PPP4R3B: variants seen among roughly 807,000 people sequenced by gnomAD.
The protein encoded by PPP4R3B is serine/threonine-protein phosphatase 4 regulatory subunit 3B.
In PPP4R3B, 52 loss-of-function variants were observed where a neutral mutation model predicts 95.4. The ratio of observed to expected loss-of-function variants is 0.54; its 90% confidence interval spans 0.44 to 0.69. The LOEUF (loss-of-function observed/expected upper bound fraction) is 0.69. Ranked by LOEUF, PPP4R3B falls within the 30% of genes least tolerant of loss-of-function variation. The probability of loss-of-function intolerance (pLI) is 0.00; values close to 1 mark genes in which losing one functional copy is unlikely to be tolerated. For synonymous variants in PPP4R3B, 407 were observed against 343.9 expected (o/e 1.18, Z -2.03); for missense variants, 1,003 against 1,005.9 (o/e 1.00, Z 0.04).
At chr2:55,594,533 A>G (rs767961065) in intron 4 of PPP4R3B, among the ~76,000 whole-genome samples, 4 of 152,188 alleles carry the variant, frequency 2.6e-5, no homozygotes, top group Non-Finnish European at 5.9e-5. Flanking sequence ...ACAAAGTTTT[A>G]CAAATATTTA....
chr2:55,615,857 C>CAAAAAAAAAAAAAAA lies in PPP4R3B; in HGVS notation c.143-366_143-352dup, dbSNP rs58981030. ...TGGCAACAGAGCAAGACTCTGTCTC[C>CAAAAAAAAAAAAAAA]AAAAAAAAAAAAAAAAAAAAAAAAA... On this transcript the variant is annotated intron_variant, in intron 1 of 16. Transcript: ENST00000616407. 6.4e-4 allele frequency among the ~76,000 whole-genome samples: 25 copies of CAAAAAAAAAAAAAAA among 39,068 alleles called. 2 individuals are homozygous for CAAAAAAAAAAAAAAA. Among genetic ancestry groups the CAAAAAAAAAAAAAAA allele is most frequent in the African/African-American group, 4.3e-3 (24 of 5,534 alleles). The allele number at this position is 39,068 out of a possible 152,430, so 25.6% of individuals were successfully genotyped here.
At chr2:55,604,124 T>C (rs145880447) in intron 2 of PPP4R3B, 48 bp from the exon 3 acceptor site, 164 of 1,428,876 alleles carry the variant, frequency 1.1e-4, no homozygotes, top group African/African-American at 1.1e-3. Flanking sequence ...AAAAGAGGTA[T>C]CTACAAAGTA....
In PPP4R3B at chr2:55,617,246, T is replaced by G. The variant is rs1695088304; in HGVS notation, c.40A>C (p.Asn14His). 1 of 1,614,002 alleles carries G rather than the reference T, an allele frequency of 6.2e-7. No homozygotes were observed. Among genetic ancestry groups the G allele is most frequent in the Non-Finnish European group, 8.5e-7 (1 of 1,179,922 alleles). Residue 14 changes from asparagine to histidine, a missense_variant, in exon 1 of 17, where the codon AAC becomes CAC. Coordinates refer to ENST00000616407, the MANE Select transcript of PPP4R3B (RefSeq NM_001122964.3). ...CGGTCGTCCCATTGCCGGTCTTCGT[T>G]CAGGGTATAGACCTTCACTCGCCGC... ...TRRRVKVYTL[N>H]EDRQWDDRGT...
At position 55,564,334 on chromosome 2, in the gene PPP4R3B, T is replaced by C. The variant is rs1389304625; in HGVS notation, c.2239A>G (p.Lys747Glu). Residue 747 changes from lysine to glutamate, a missense_variant, in exon 15 of 17, where the codon AAG becomes GAG. Physicochemically the swap from Lys to Glu is moderately conservative, Grantham distance 56. Coordinates refer to ENST00000616407, the MANE Select transcript of PPP4R3B (RefSeq NM_001122964.3). The stretch of plus-strand genomic sequence containing the variant: ...ATACCTTTTTTAGTCTCCATAAACT[T>C]TTCATAATTATCTGGAAAATCATCT... The part of the protein sequence containing the change: ...PEDDFPDNYE[K>E]FMETKKAKES... 2.5e-6 allele frequency: 4 copies of C among 1,613,334 alleles called. No individual in the cohort carries two copies. Among genetic ancestry groups the C allele is most frequent in the African/African-American group, 2.7e-5 (2 of 74,856 alleles).
At chr2:55,586,845 T>C (rs376478794) in intron 5 of PPP4R3B, 111 bp from the exon 6 acceptor site, 56 of 575,202 alleles carry the variant, frequency 9.7e-5, no homozygotes, top group African/African-American at 8.4e-4. Flanking sequence ...CTCATCTTTT[T>C]GGAGTATGCT....
intron 16 of PPP4R3B, among the ~76,000 whole-genome samples, chr2:55,557,243 A>C (rs749957971): frequency 3.3e-5 from 5 of 152,192 alleles, no homozygotes; most frequent in Admixed American, 6.5e-5. Flanking sequence ...TTTAGGCTGG[A>C]GTGCAGTGGC....
chr2:55,591,671 G>A (rs754173159), intron 4 of PPP4R3B: 79 of 984,004 alleles, frequency 8.0e-5, no homozygotes, highest in East Asian at 3.4e-4. Flanking sequence ...TATATGATTC[G>A]GTACTTGTGA....
chr2:55,581,525 C>T (rs559749293), intron 8 of PPP4R3B, 42 bp downstream of exon 8: 1 of 1,583,866 alleles, frequency 6.3e-7, no homozygotes, highest in African/African-American at 1.4e-5. Context: ...CCACCTAAAA[C>T]TGACTAGGCC....
At chr2:55,575,411 T>C (rs72803553) in intron 11 of PPP4R3B, among the ~76,000 whole-genome samples, 5,702 of 152,300 alleles carry the variant, frequency 0.037, 146 homozygotes, top group South Asian at 0.09. Flanking sequence ...TGGACAATCA[T>C]GCACCACCCA....
chr2:55,554,242 C>T (rs931700952), intron 16 of PPP4R3B, among the ~76,000 whole-genome samples: 14 of 152,150 alleles, frequency 9.2e-5, no homozygotes, highest in Middle Eastern at 3.4e-3. Context: ...TTTTTGTAGA[C>T]GGGGTTTTGC....
Position 55,578,279 on chromosome 2 carries a change from G to C in PPP4R3B, c.1532C>G (p.Ser511Cys). The change falls in exon 10 of 17, where the codon TCC (serine) becomes TGC (cysteine). Residue 511 changes from serine to cysteine, a missense_variant. Physicochemically the swap from Ser to Cys is moderately radical, Grantham distance 112. Transcript: ENST00000616407. Reference sequence around the variant, plus strand: ...GATGGAGGAAGAGGGGGTAGAATGGGAATGGGAATGTGAAGGGGTACATAT... The same window carrying C: ...GATGGAGGAAGAGGGGGTAGAATGGCAATGGGAATGTGAAGGGGTACATAT... ...SFICTPSHSH[S>C]HSTPSSSISQ... 2 of 1,481,416 alleles carry C rather than the reference G, an allele frequency of 1.4e-6. No homozygotes were observed. Among genetic ancestry groups the C allele is most frequent in the South Asian group, 1.5e-5 (1 of 68,072 alleles). 91.8% of individuals were successfully genotyped at this position (1,481,416 alleles called of 1,614,324 possible).
At chr2:55,593,106 C>T in intron 4 of PPP4R3B, among the ~76,000 whole-genome samples, 1 of 152,132 alleles carries the variant, frequency 6.6e-6, no homozygotes. Flanking sequence ...TGCAGTGAGC[C>T]AAGATGGCGC....
At chr2:55,562,782 A>ATAC in intron 15 of PPP4R3B, among the ~76,000 whole-genome samples, 1 of 152,216 alleles carries the variant, frequency 6.6e-6, no homozygotes, top group Non-Finnish European at 1.5e-5. Flanking sequence ...TATCTAGCAC[A>ATAC]TACATCTAAA....
At chr2:55,593,390 TATG>T (rs1302666403) in intron 4 of PPP4R3B, among the ~76,000 whole-genome samples, 2 of 152,198 alleles carry the variant, frequency 1.3e-5, no homozygotes, top group East Asian at 3.8e-4. Flanking sequence ...AGCTAGGATT[TATG>T]ATAAGGACCT....
intron 3 of PPP4R3B, among the ~76,000 whole-genome samples, chr2:55,603,527 A>C (rs559263761): frequency 9.2e-5 from 14 of 152,330 alleles, no homozygotes; most frequent in Admixed American, 5.2e-4. Flanking sequence ...GTTACTTAAG[A>C]GTTACCACAT....
At position 55,558,803 on chromosome 2, in the gene PPP4R3B, T is replaced by C; in HGVS notation, c.2426A>G (p.Asn809Ser). 1 of 1,611,688 alleles carries C rather than the reference T, an allele frequency of 6.2e-7. No individual in the cohort carries two copies. Among genetic ancestry groups the C allele is most frequent in the Non-Finnish European group, 8.5e-7 (1 of 1,178,648 alleles). The change falls in exon 16 of 17, where the codon AAC becomes AGC. Residue 809 changes from asparagine (N) to serine (S), a missense_variant. Physicochemically the swap from Asn to Ser is conservative, Grantham distance 46 (BLOSUM62 1). Coordinates refer to ENST00000616407, the MANE Select transcript of PPP4R3B (RefSeq NM_001122964.3). ...TSNGSSSKTT[N>S]LPTSVTATKG... The stretch of plus-strand genomic sequence containing the variant: ...GGTGGCTGTTACTGACGTAGGCAAG[T>C]TTGTGGTTTTGGAAGAGGATCCATT...
At chr2:55,610,005 TA>T (rs1305110794) in intron 2 of PPP4R3B, among the ~76,000 whole-genome samples, 1 of 152,190 alleles carries the variant, frequency 6.6e-6, no homozygotes, top group Non-Finnish European at 1.5e-5. Context: ...AAATTTTTTT[TA>T]ATAAGCCTCA....
intron 11 of PPP4R3B, among the ~76,000 whole-genome samples, chr2:55,574,341 TA>T (rs1038253192): frequency 6.6e-6 from 1 of 151,682 alleles, no homozygotes; most frequent in African/African-American, 2.4e-5. Flanking sequence ...AGAAAGGCAA[TA>T]AAAATATATG....
chr2:55,564,231 TA>T, intron 15 of PPP4R3B, 81 bp downstream of exon 15: 1 of 1,287,062 alleles, frequency 7.8e-7, no homozygotes, highest in Non-Finnish European at 1.0e-6. Flanking sequence ...TTGTAAACTA[TA>T]AACAAACCTT....
Sources: allele counts gnomAD v4.1 joint callset (sites outside exome capture counted in the v4.1 genomes callset), GRCh38; gene constraint gnomAD v4.1.1; transcripts MANE v1.5; gene names NCBI Gene and HGNC (gene_info 2026-07-23, HGNC 2026-07-21).